The following MSI2 variants were observed in gnomAD, a reference collection of about 807,000 sequenced individuals.
MSI2 encodes the protein musashi RNA binding protein 2.
Under a neutral mutation model 45.6 loss-of-function variants are expected in MSI2, and 17 were observed. The ratio of observed to expected loss-of-function variants is 0.37; its 90% CI spans 0.26 to 0.56. The LOEUF is 0.56. MSI2 is among the 20% of genes least tolerant of loss of function. The pLI, the probability that MSI2 is intolerant of heterozygous loss-of-function variation, is 0.77. For missense variants in MSI2, 293 were observed against 444.2 expected (o/e 0.66, Z 3.06); for synonymous variants, 156 against 158.2 (o/e 0.99, Z 0.11).
At position 57,317,914 on chromosome 17, in the gene MSI2, C is replaced by T. The variant is rs578173256; in HGVS notation, c.312+55722C>T. Among the ~76,000 whole-genome samples, 5 of 152,086 alleles carry T rather than the reference C, an allele frequency of 3.3e-5. No homozygotes were observed. The South Asian group carries it at 6.2e-4, about 19-fold the overall frequency. On this transcript the variant is annotated intron_variant, in intron 5 of 13. Transcript: ENST00000284073. ...CTGTAATCCCGGCACTTTGGGAGGC[C>T]GAGGAGGGAGGATCACTTGAGGCCA...
chr17:57,539,965 G>A (rs1420420), intron 7 of MSI2, among the ~76,000 whole-genome samples: 11,912 of 152,266 alleles, frequency 0.078, 836 homozygotes, highest in African/African-American at 0.19. Flanking sequence ...TATGGCTTAG[G>A]AGTCAAGGCA....
At chr17:57,267,036 T>C (rs1907857929) in intron 5 of MSI2, 2 of 152,408 alleles carry the variant, frequency 1.3e-5, no homozygotes, top group South Asian at 2.1e-4. Flanking sequence ...AGTGGTTTCT[T>C]GGCAGCTTCT....
intron 6 of MSI2, chr17:57,523,530 G>A (rs1432688388): frequency 6.6e-6 from 1 of 152,206 alleles, no homozygotes; most frequent in Non-Finnish European, 1.5e-5. Flanking sequence ...AAATGAATTA[G>A]GATTAGAGAG....
At chr17:57,412,986 A>C in intron 6 of MSI2, among the ~76,000 whole-genome samples, 1 of 152,246 alleles carries the variant, frequency 6.6e-6, no homozygotes, top group African/African-American at 2.4e-5. Context: ...GAGCTAATGC[A>C]CACATAGTTG....
At chr17:57,557,925 T>C (rs1598398530) in intron 7 of MSI2, among the ~76,000 whole-genome samples, 1 of 152,192 alleles carries the variant, frequency 6.6e-6, no homozygotes, top group Admixed American at 6.5e-5. Flanking sequence ...AGAAGCGTCA[T>C]CTCCTTGGGT....
At chr17:57,423,530 T>C (rs2084434880) in intron 6 of MSI2, among the ~76,000 whole-genome samples, 2 of 152,222 alleles carry the variant, frequency 1.3e-5, no homozygotes, top group Admixed American at 1.3e-4. Flanking sequence ...CTTTCCACAA[T>C]TGAAGTGTCT....
rs1198979437 is a variant in MSI2 at position 57,280,256 on chromosome 17, A to G, written c.312+18064A>G. On this transcript the variant is annotated intron_variant, in intron 5 of 13. Transcript: ENST00000284073. This position sits in a 1 kb window ranked among gnomAD's most constrained non-coding sequence, Gnocchi z 4.2. ...GGGGAAGCCATCCATTTAAAAGTTT[A>G]AGGGATGGGATGGGAAATGATCAGG... Among the ~76,000 whole-genome samples, 1 of 152,152 alleles carries G rather than the reference A, an allele frequency of 6.6e-6. No homozygotes were observed. The highest frequency in any genetic ancestry group is 2.4e-5 in the African/African-American group (1 of 41,426).
chr17:57,511,098 G>A (rs965094635), intron 6 of MSI2, among the ~76,000 whole-genome samples: 3 of 152,186 alleles, frequency 2.0e-5, no homozygotes, highest in African/African-American at 7.2e-5. Context: ...CAGGGACAGC[G>A]ATTTATGCTT....
intron 10 of MSI2, among the ~76,000 whole-genome samples, chr17:57,641,018 A>G (rs1233851044): frequency 6.6e-6 from 1 of 152,176 alleles, no homozygotes; most frequent in East Asian, 1.9e-4. Flanking sequence ...TGACATTTTT[A>G]GGTATTTCTA....
chr17:57,535,575 G>T (rs113604874), intron 7 of MSI2, among the ~76,000 whole-genome samples: 3 of 152,374 alleles, frequency 2.0e-5, no homozygotes, highest in African/African-American at 7.2e-5. Context: ...TAAATGCAAT[G>T]CTAATGGCTT....
intron 6 of MSI2, among the ~76,000 whole-genome samples, chr17:57,441,333 C>G (rs776486650): frequency 1.3e-5 from 2 of 152,200 alleles, no homozygotes; most frequent in Non-Finnish European, 2.9e-5. Context: ...TGGTCCACCC[C>G]TCTTGCCTCT....
intron 5 of MSI2, among the ~76,000 whole-genome samples, chr17:57,342,208 T>G (rs1281285545): frequency 6.6e-6 from 1 of 152,224 alleles, no homozygotes; most frequent in Non-Finnish European, 1.5e-5. Context: ...GAAAATTATA[T>G]TTGATACAGA....
chr17:57,360,527 G>A (rs927242581), intron 5 of MSI2, among the ~76,000 whole-genome samples: 5 of 152,226 alleles, frequency 3.3e-5, no homozygotes, highest in African/African-American at 7.2e-5. Context: ...CTCCTGGCCC[G>A]TGAGGGCCAT....
intron 8 of MSI2, among the ~76,000 whole-genome samples, chr17:57,613,445 C>G (rs1255345016): frequency 4.6e-5 from 7 of 152,214 alleles, no homozygotes; most frequent in Middle Eastern, 3.4e-3. Context: ...ATAATCCAAA[C>G]TCAGCTAATT....
chr17:57,690,836 A>G, the MSI2 span, among the ~76,000 whole-genome samples: 2 of 152,216 alleles, frequency 1.3e-5, no homozygotes, highest in East Asian at 1.9e-4. Flanking sequence ...TTAGTGTCAT[A>G]TCTAAGAAAT....
At chr17:57,542,308 C>T (rs114321898) in intron 7 of MSI2, among the ~76,000 whole-genome samples, 11 of 152,330 alleles carry the variant, frequency 7.2e-5, no homozygotes, top group African/African-American at 2.6e-4. Flanking sequence ...TCTTCCCTTA[C>T]GTTCTTCTAG....
intron 5 of MSI2, among the ~76,000 whole-genome samples, chr17:57,346,834 T>C (rs558376213): frequency 3.0e-4 from 46 of 152,282 alleles, no homozygotes; most frequent in South Asian, 2.9e-3. Flanking sequence ...CTCAAACTCC[T>C]GAGCTCAAGC....
At chr17:57,493,495 A>G (rs1182712394) in intron 6 of MSI2, among the ~76,000 whole-genome samples, 3 of 152,008 alleles carry the variant, frequency 2.0e-5, no homozygotes, top group East Asian at 1.9e-4. Flanking sequence ...AACACTTGCC[A>G]TGGGGTAGTC....
intron 7 of MSI2, among the ~76,000 whole-genome samples, chr17:57,545,758 T>C (rs561596326): frequency 1.3e-5 from 2 of 152,240 alleles, no homozygotes; most frequent in African/African-American, 2.4e-5. Flanking sequence ...ATTATTATTA[T>C]GACGACTGGA....
Sources: allele counts gnomAD v4.1 joint callset (sites outside exome capture counted in the v4.1 genomes callset), GRCh38; gene constraint gnomAD v4.1.1; non-coding constraint Gnocchi (gnomAD v3.1); transcripts MANE v1.5; gene names NCBI Gene and HGNC (gene_info 2026-07-23, HGNC 2026-07-21).